The following SCARA5 variants were observed in gnomAD, a reference collection of about 807,000 sequenced individuals.
The protein encoded by SCARA5 is scavenger receptor class A member 5.
A neutral mutation model predicts 46.3 loss-of-function variants in SCARA5; 45 were observed. The observed-to-expected ratio is 0.97, with a 90% CI of 0.76 to 1.24. SCARA5 has a LOEUF of 1.24. SCARA5 is among the 50% of genes most tolerant of loss of function. The pLI is 0.00. For synonymous variants in SCARA5, 333 were observed against 306.5 expected (o/e 1.09, Z -0.90); for missense variants, 680 against 689.0 (o/e 0.99, Z 0.15).
chr8:27,946,571 T>C (rs2726952), intron 3 of SCARA5, among the ~76,000 whole-genome samples: 140,006 of 152,304 alleles, frequency 0.92, 64,811 homozygotes, highest in Middle Eastern at 0.98. Context: ...GTTTAAGCCA[T>C]GCAGGCTGCG....
chr8:27,881,147 G>T (rs1322723881), intron 7 of SCARA5, among the ~76,000 whole-genome samples: 1 of 151,918 alleles, frequency 6.6e-6, no homozygotes, highest in African/African-American at 2.4e-5. Context: ...ATTTCTCAAA[G>T]AACTTAAAAC....
chr8:27,895,292 C>G (rs778264329), intron 7 of SCARA5, among the ~76,000 whole-genome samples: 1 of 152,198 alleles, frequency 6.6e-6, no homozygotes, highest in Non-Finnish European at 1.5e-5. Flanking sequence ...CCCGTGCCCC[C>G]AGCCGGCCTG....
chr8:27,874,612 A>T (rs1419941659), intron 8 of SCARA5, among the ~76,000 whole-genome samples: 1 of 152,276 alleles, frequency 6.6e-6, no homozygotes, highest in Non-Finnish European at 1.5e-5. Context: ...AGTATTTGCT[A>T]TCCAGCACTT....
At chr8:27,966,581 C>A in intron 2 of SCARA5, 39 bp from the exon 3 acceptor site, 3 of 1,566,142 alleles carry the variant, frequency 1.9e-6, no homozygotes, top group South Asian at 1.2e-5. Context: ...AAAGAAGACA[C>A]TTAAAAACCC....
intron 3 of SCARA5, among the ~76,000 whole-genome samples, chr8:27,956,411 T>C (rs1808208507): frequency 6.6e-6 from 1 of 152,228 alleles, no homozygotes; most frequent in Non-Finnish European, 1.5e-5. Flanking sequence ...TGAATTAAAC[T>C]GGGACTTCTC....
At chr8:27,872,537 C>A (rs1806656099) in intron 8 of SCARA5, among the ~76,000 whole-genome samples, 1 of 152,192 alleles carries the variant, frequency 6.6e-6, no homozygotes, top group Non-Finnish European at 1.5e-5. Context: ...CACGGGATTG[C>A]CATGCAGTGA....
At chr8:27,930,592 G>A (rs1375189582) in intron 3 of SCARA5, among the ~76,000 whole-genome samples, 8 of 152,074 alleles carry the variant, frequency 5.3e-5, no homozygotes, top group Non-Finnish European at 4.4e-5. Flanking sequence ...AGTAGAGACA[G>A]GGTTTCTCCA....
intron 7 of SCARA5, among the ~76,000 whole-genome samples, chr8:27,895,252 A>T (rs1772422405): frequency 6.6e-6 from 1 of 152,158 alleles, no homozygotes; most frequent in Admixed American, 6.5e-5. Context: ...AAGGAAGTTG[A>T]ACTTTCATTC....
At position 27,922,739 on chromosome 8, in the gene SCARA5, T is replaced by A. The variant is rs370240308; in HGVS notation, c.242-494A>T. Among the ~76,000 whole-genome samples, 126 of 152,320 alleles carry A rather than the reference T, an allele frequency of 8.3e-4. 1 individual carries two copies. The highest frequency in any genetic ancestry group is 2.9e-3 in the African/African-American group (122 of 41,584). On this transcript the variant is annotated intron_variant, in intron 3 of 8. Transcript: ENST00000354914. The stretch of plus-strand genomic sequence containing the variant: ...GGGTGGGTACCTGCTGCAATCTGAA[T>A]AAGCCCCCCAAAATTCGAATGTGGA...
At chr8:27,969,479 G>A (rs1012504407) in intron 2 of SCARA5, among the ~76,000 whole-genome samples, 4 of 152,210 alleles carry the variant, frequency 2.6e-5, no homozygotes, top group East Asian at 1.9e-4. Context: ...AAAAAGATCC[G>A]TGGTTGCCAG....
chr8:27,966,261 G>T (rs1451746798), intron 3 of SCARA5, among the ~76,000 whole-genome samples, 153 bp downstream of exon 3: 1 of 152,174 alleles, frequency 6.6e-6, no homozygotes, highest in Non-Finnish European at 1.5e-5. Context: ...CGCAAAACAA[G>T]CAATACTACT....
chr8:27,986,190 C>T (rs1808702579), intron 2 of SCARA5, among the ~76,000 whole-genome samples: 1 of 152,252 alleles, frequency 6.6e-6, no homozygotes, highest in Non-Finnish European at 1.5e-5. Flanking sequence ...CAGGCCTTCT[C>T]CTCCGCCTGA....
intron 5 of SCARA5, 62 bp from the exon 6 acceptor site, chr8:27,907,308 T>A (rs538191630): frequency 1.6e-6 from 2 of 1,255,040 alleles, no homozygotes; most frequent in African/African-American, 3.0e-5. Context: ...CCCTCAGAGG[T>A]CATCGTCGGG....
chr8:27,883,210 G>T (rs1000599791), intron 7 of SCARA5, among the ~76,000 whole-genome samples: 4 of 152,224 alleles, frequency 2.6e-5, no homozygotes, highest in Non-Finnish European at 4.4e-5. Flanking sequence ...ACAATGCATT[G>T]GTTCTCCAAG....
chr8:27,897,413 C>A (rs1807081306), intron 7 of SCARA5, among the ~76,000 whole-genome samples: 1 of 152,262 alleles, frequency 6.6e-6, no homozygotes, highest in Non-Finnish European at 1.5e-5. Context: ...TCTTGGTTTT[C>A]ATGTACATCT....
intron 3 of SCARA5, among the ~76,000 whole-genome samples, chr8:27,927,246 C>G (rs1458874511): frequency 6.6e-6 from 1 of 152,178 alleles, no homozygotes; most frequent in Non-Finnish European, 1.5e-5. Context: ...CTTACCAGCT[C>G]TGGGCCCTGC....
rs182084654 is a variant in SCARA5 at position 27,896,949 on chromosome 8, G to A, written c.1153+7829C>T. ...TCTACTAAAAGTACAAAAATTAGCT[G>A]GGTGTGGTGGTGTGCACCTGTAATC... On this transcript the variant is annotated intron_variant, in intron 7 of 8. Transcript: ENST00000354914. Among the ~76,000 whole-genome samples, 216 of 152,172 alleles carry A rather than the reference G, an allele frequency of 1.4e-3. 1 individual carries two copies. Among genetic ancestry groups the A allele is most frequent in the Middle Eastern group, 3.4e-3 (1 of 294 alleles).
At chr8:27,874,364 C>T (rs1040900460) in intron 8 of SCARA5, among the ~76,000 whole-genome samples, 8 of 152,350 alleles carry the variant, frequency 5.3e-5, no homozygotes, top group Admixed American at 6.5e-5. Context: ...CTGCCCTGGC[C>T]TCTCATGTTC....
chr8:27,909,788 A>G (rs2726992), intron 4 of SCARA5, 45 bp from the exon 5 acceptor site: 837,064 of 1,365,798 alleles, frequency 0.61, 258,064 homozygotes, highest in Non-Finnish European at 0.64. Context: ...CTCCCTTCTG[A>G]AACAGGACCA....
Sources: gnomAD v4.1 joint callset for allele counts (sites outside exome capture counted in the v4.1 genomes callset) on GRCh38, gnomAD v4.1.1 for gene constraint, MANE v1.5 for transcripts, NCBI Gene and HGNC (gene_info 2026-07-23, HGNC 2026-07-21) for gene names.